The following CTNNA3 variants were observed in gnomAD, a reference collection of about 807,000 sequenced individuals.
CTNNA3 encodes the protein catenin alpha 3.
A neutral mutation model predicts 95.7 loss-of-function variants in CTNNA3; 76 were observed. That is an observed-to-expected ratio of 0.79 (90% CI 0.66 to 0.96). The LOEUF (loss-of-function observed/expected upper bound fraction) is 0.96, where lower values mean the gene tolerates loss of function less well. Among genes scored for constraint, CTNNA3 ranks in the 40% least tolerant of loss-of-function variants. The probability of loss-of-function intolerance (pLI) is 0.00; values close to 1 mark genes in which losing one functional copy is unlikely to be tolerated. For missense variants in CTNNA3, 1,191 were observed against 1,089.8 expected (o/e 1.09, Z -1.31); for synonymous variants, 431 against 374.4 (o/e 1.15, Z -1.74).
chr10:66,573,810 T>G (rs2132172418), intron 10 of CTNNA3, among the ~76,000 whole-genome samples: 1 of 152,298 alleles, frequency 6.6e-6, no homozygotes, highest in Non-Finnish European at 1.5e-5. Context: ...TGGACAACAC[T>G]ATTATTTTCT....
In CTNNA3 at chr10:66,420,589, A is replaced by G. The variant is rs564769159; in HGVS notation, c.1532-41237T>C. 3.4e-4 allele frequency among the ~76,000 whole-genome samples: 52 copies of G among 152,138 alleles called. 1 individual carries two copies. Among genetic ancestry groups the G allele is most frequent in the African/African-American group, 1.2e-3 (49 of 41,508 alleles). On this transcript the variant is annotated intron_variant, in intron 11 of 17. Coordinates refer to ENST00000433211, the MANE Select transcript of CTNNA3 (RefSeq NM_013266.4). Reference sequence around the variant, plus strand: ...TCTGAGACGGGCAGGTCATGAGGTCAGGAGATTGAGACCACCCTGGCTAAC... The same window carrying G: ...TCTGAGACGGGCAGGTCATGAGGTCGGGAGATTGAGACCACCCTGGCTAAC...
At chr10:66,823,840 C>T (rs1842388589) in intron 7 of CTNNA3, among the ~76,000 whole-genome samples, 1 of 152,046 alleles carries the variant, frequency 6.6e-6, no homozygotes, top group Non-Finnish European at 1.5e-5. Context: ...TGACACACTG[C>T]TAATAACCAG....
At chr10:66,104,158 C>A (rs911013643) in intron 13 of CTNNA3, among the ~76,000 whole-genome samples, 3 of 152,120 alleles carry the variant, frequency 2.0e-5, no homozygotes, top group African/African-American at 7.2e-5. Flanking sequence ...TCCATTCCTT[C>A]TTTCAATTTC....
chr10:66,167,797 G>C (rs1396504335), intron 13 of CTNNA3, among the ~76,000 whole-genome samples: 1 of 152,146 alleles, frequency 6.6e-6, no homozygotes, highest in Non-Finnish European at 1.5e-5. Flanking sequence ...AAACTTCCTA[G>C]ACTGCTGTGC....
At chr10:66,363,252 G>A (rs1267355089) in intron 12 of CTNNA3, among the ~76,000 whole-genome samples, 1 of 152,200 alleles carries the variant, frequency 6.6e-6, no homozygotes, top group Non-Finnish European at 1.5e-5. Flanking sequence ...GCTGTGGACT[G>A]AATGTTTGTG....
At chr10:67,634,979 C>G (rs1243386942) in intron 2 of CTNNA3, among the ~76,000 whole-genome samples, 1 of 152,078 alleles carries the variant, frequency 6.6e-6, no homozygotes, top group Non-Finnish European at 1.5e-5. Context: ...ATCTACAGAA[C>G]TCTCCACCCA....
intron 7 of CTNNA3, among the ~76,000 whole-genome samples, chr10:67,136,587 G>C (rs1406995707): frequency 2.0e-5 from 3 of 151,974 alleles, no homozygotes; most frequent in African/African-American, 7.2e-5. Context: ...AGAGAGAGAA[G>C]TTTGCATTTT....
intron 13 of CTNNA3, among the ~76,000 whole-genome samples, chr10:66,238,872 A>G (rs1412823187): frequency 6.6e-6 from 1 of 151,990 alleles, no homozygotes; most frequent in African/African-American, 2.4e-5. Context: ...CCATGAAGTA[A>G]GCATCCTTTG....
chr10:67,458,942 A>G (rs1847274509), intron 5 of CTNNA3, among the ~76,000 whole-genome samples: 1 of 152,182 alleles, frequency 6.6e-6, no homozygotes, highest in Non-Finnish European at 1.5e-5. Context: ...ACTTTCTCAA[A>G]CAACACTTTT....
chr10:66,909,698 G>T (rs1193904635), intron 7 of CTNNA3, among the ~76,000 whole-genome samples: 2 of 152,088 alleles, frequency 1.3e-5, no homozygotes, highest in African/African-American at 2.4e-5. Context: ...CCAGTACTCT[G>T]GTTAATTGGC....
intron 17 of CTNNA3, among the ~76,000 whole-genome samples, chr10:65,925,899 T>A (rs2077162255): frequency 6.6e-6 from 1 of 151,974 alleles, no homozygotes; most frequent in Admixed American, 6.6e-5. Context: ...AGCCATCTGA[T>A]TCCTTTCATA....
At chr10:66,965,291 C>G (rs1486558175) in intron 7 of CTNNA3, among the ~76,000 whole-genome samples, 1 of 152,042 alleles carries the variant, frequency 6.6e-6, no homozygotes, top group East Asian at 1.9e-4. Flanking sequence ...AATCTCAACA[C>G]TTTGGGAGGC....
intron 5 of CTNNA3, among the ~76,000 whole-genome samples, chr10:67,440,145 A>G (rs183479400): frequency 2.6e-5 from 4 of 152,266 alleles, no homozygotes; most frequent in East Asian, 1.9e-4. Flanking sequence ...AGCGTTCACC[A>G]CAAGCTGACT....
intron 6 of CTNNA3, among the ~76,000 whole-genome samples, chr10:67,218,721 C>T (rs982774073): frequency 2.0e-5 from 3 of 152,194 alleles, no homozygotes; most frequent in Admixed American, 6.5e-5. Context: ...TCCACCAACA[C>T]CACTCTAGTC....
At chr10:67,541,028 G>A (rs1158094661) in intron 3 of CTNNA3, among the ~76,000 whole-genome samples, 2 of 151,568 alleles carry the variant, frequency 1.3e-5, no homozygotes, top group Non-Finnish European at 2.9e-5. Flanking sequence ...ATATTTCATT[G>A]ATACACTGTA....
chr10:66,769,837 T>C (rs1328898857), intron 8 of CTNNA3, among the ~76,000 whole-genome samples: 1 of 152,172 alleles, frequency 6.6e-6, no homozygotes, highest in Non-Finnish European at 1.5e-5. Flanking sequence ...GCAATCTCAA[T>C]AGCATATCAT....
At chr10:66,663,570 A>G (rs1452372031) in intron 9 of CTNNA3, among the ~76,000 whole-genome samples, 6 of 151,848 alleles carry the variant, frequency 4.0e-5, no homozygotes, top group African/African-American at 1.5e-4. Context: ...CAAATGAATA[A>G]AAGCAATTAT....
intron 15 of CTNNA3, among the ~76,000 whole-genome samples, chr10:66,049,548 C>T (rs1157068553): frequency 1.3e-5 from 2 of 152,122 alleles, no homozygotes; most frequent in African/African-American, 4.8e-5. Flanking sequence ...AACCTAAATG[C>T]CCATCAGTGA....
At chr10:67,669,560 A>T (rs1397809580) in intron 1 of CTNNA3, among the ~76,000 whole-genome samples, 1 of 152,198 alleles carries the variant, frequency 6.6e-6, no homozygotes, top group East Asian at 1.9e-4. Flanking sequence ...CAATGACCCC[A>T]ATTTACCCTG....
Sources: gnomAD v4.1 joint callset for allele counts (sites outside exome capture counted in the v4.1 genomes callset) on GRCh38, gnomAD v4.1.1 for gene constraint, MANE v1.5 for transcripts, NCBI Gene and HGNC (gene_info 2026-07-23, HGNC 2026-07-21) for gene names.